The following ABCA8 variants were observed in gnomAD, a reference collection of about 807,000 sequenced individuals.
ABCA8 encodes the protein ATP binding cassette subfamily A member 8, also known as ABC-type organic anion transporter ABCA8.
Under a neutral mutation model 192.3 loss-of-function variants are expected in ABCA8, and 177 were observed. That is an observed-to-expected ratio of 0.92 (90% CI 0.81 to 1.04). The LOEUF (loss-of-function observed/expected upper bound fraction) is 1.04, where lower values mean the gene tolerates loss of function less well. Among genes scored for constraint, ABCA8 ranks in the 50% least tolerant of loss-of-function variants. The probability of loss-of-function intolerance (pLI) is 0.00; values close to 1 mark genes in which losing one functional copy is unlikely to be tolerated. For synonymous variants in ABCA8, 642 were observed against 690.2 expected, an observed-to-expected ratio of 0.93 and a Z score of 1.09; for missense variants, 1,915 against 1,904.8, an observed-to-expected ratio of 1.01 and a Z score of -0.10.
rs2067531451 is a variant in ABCA8, at chr17:68,921,445, G to A, written c.1549C>T (p.His517Tyr). ...AGTGTTGACTTTCCAGCTCCACTGT[G>A]ACCAAGTATTGCAGTGATTTGGCCT... The part of the protein sequence containing the change: ...YEGQITAILG[H>Y]SGAGKSTLLN... The change falls in exon 13 of 40, where the codon CAC becomes TAC. Residue 517 changes from histidine to tyrosine, a missense_variant. Coordinates refer to ENST00000586539, the MANE Select transcript of ABCA8 (RefSeq NM_001288985.2). The A allele has an allele frequency of 6.2e-7, 1 of 1,610,208 alleles. No homozygotes were observed. Among genetic ancestry groups the A allele is most frequent in the Non-Finnish European group, 8.5e-7 (1 of 1,177,590 alleles).
At chr17:68,930,205 T>C (rs1392918909) in intron 7 of ABCA8, among the ~76,000 whole-genome samples, 1 of 152,152 alleles carries the variant, frequency 6.6e-6, no homozygotes, top group African/African-American at 2.4e-5. Context: ...CCTCAGACCC[T>C]TCTCTCCTCT....
At position 68,887,473 on chromosome 17, in the gene ABCA8, G is replaced by A; in HGVS notation, c.3178C>T (p.Leu1060Phe). The A allele has an allele frequency of 6.2e-7, 1 of 1,612,098 alleles. No individual in the cohort carries two copies. Among genetic ancestry groups the A allele is most frequent in the South Asian group, 1.1e-5 (1 of 90,332 alleles). ...RARSQLRISG[L>F]SPSAYWFGQA... ...CCAAACCAGTAAGCAGAAGGGGAGA[G>A]TCCGGAAATCCGTAGCTGGGACCGA... The change falls in exon 25 of 40, where the codon CTC becomes TTC. Residue 1060 changes from leucine (L) to phenylalanine (F), a missense_variant. By Grantham distance (22) the Leu-to-Phe change is conservative. Transcript: ENST00000586539.
At position 68,929,542 on chromosome 17, in the gene ABCA8, A is replaced by AT. The variant is rs762492570; in HGVS notation, c.939+18dup. 6.2e-7 allele frequency: 1 copy of AT among 1,606,408 alleles called. No individual in the cohort carries two copies. Among genetic ancestry groups the AT allele is most frequent in the Non-Finnish European group, 8.5e-7 (1 of 1,177,428 alleles). ...TTAGGCTATAGGTGGATGGAAAGAT[A>AT]TTTAATTCACTAACTCACCAAAGAT... On this transcript the variant is annotated intron_variant, in intron 8 of 39. Transcript: ENST00000586539.
chr17:68,925,322 A>C (rs1333509872), intron 10 of ABCA8, among the ~76,000 whole-genome samples: 1 of 152,242 alleles, frequency 6.6e-6, no homozygotes, highest in African/African-American at 2.4e-5. Flanking sequence ...CATTTGTAAG[A>C]AAGAAAAAGA....
intron 4 of ABCA8, among the ~76,000 whole-genome samples, chr17:68,939,354 A>G (rs1362459591): frequency 1.3e-5 from 2 of 152,068 alleles, no homozygotes; most frequent in Non-Finnish European, 2.9e-5. Flanking sequence ...CTCTGCTCAC[A>G]TATCCTGTGG....
At chr17:68,950,317 T>G (rs187398675) in intron 1 of ABCA8, among the ~76,000 whole-genome samples, 68 of 152,300 alleles carry the variant, frequency 4.5e-4, no homozygotes, top group Middle Eastern at 6.8e-3. Flanking sequence ...CCATTGACTT[T>G]CTTTGCAGAA....
chr17:68,870,552 C>T (rs1244730951), intron 37 of ABCA8, among the ~76,000 whole-genome samples: 1 of 152,164 alleles, frequency 6.6e-6, no homozygotes. Context: ...CTATTTGATT[C>T]TATGAATTTG....
At chr17:68,917,244 A>G (rs1022617171) in intron 17 of ABCA8, 117 bp downstream of exon 17, 44 of 641,506 alleles carry the variant, frequency 6.9e-5, no homozygotes, top group Non-Finnish European at 1.0e-4. Context: ...TCCGTCTCAA[A>G]AACAAAACAA....
chr17:68,869,659 ATCT>A, intron 38 of ABCA8, 38 bp downstream of exon 38: 2 of 1,287,376 alleles, frequency 1.6e-6, no homozygotes, highest in East Asian at 4.6e-5. Context: ...ATTTGAAATT[ATCT>A]TCTTTCCAGG....
At chr17:68,931,402 G>A (rs2067871835) in intron 7 of ABCA8, among the ~76,000 whole-genome samples, 1 of 152,120 alleles carries the variant, frequency 6.6e-6, no homozygotes, top group South Asian at 2.1e-4. Context: ...CTTATTCATG[G>A]CAACACATTT....
At chr17:68,938,899 T>G (rs772356019) in intron 4 of ABCA8, among the ~76,000 whole-genome samples, 36 of 152,182 alleles carry the variant, frequency 2.4e-4, no homozygotes, top group Non-Finnish European at 4.9e-4. Flanking sequence ...CAAAACAGAA[T>G]AACTAACTTC....
chr17:68,902,551 C>T (rs1256498307), intron 21 of ABCA8, among the ~76,000 whole-genome samples, 162 bp downstream of exon 21: 1 of 152,174 alleles, frequency 6.6e-6, no homozygotes, highest in Non-Finnish European at 1.5e-5. Context: ...TTTACCTATT[C>T]CTGCTTCTTT....
chr17:68,870,243 C>T (rs945200551), intron 37 of ABCA8, among the ~76,000 whole-genome samples: 10 of 152,146 alleles, frequency 6.6e-5, no homozygotes, highest in African/African-American at 1.2e-4. Flanking sequence ...CTGTTCATCT[C>T]GAAAATTGCT....
Position 68,954,818 on chromosome 17 carries a change from G to A in ABCA8, c.-167+401C>T, listed in dbSNP as rs940451050. Among the ~76,000 whole-genome samples, 7 of 152,114 alleles carry A rather than the reference G, an allele frequency of 4.6e-5. No homozygotes were observed. In the East Asian group the frequency reaches 1.3e-3, roughly 29 times the overall value. On this transcript the variant is annotated intron_variant, in intron 1 of 39. Transcript: ENST00000586539. ...AGTCAGAAGAACACTTATCCAAAAT[G>A]CCCTACATTATTGTGCAATCAAAGT... is the stretch of plus-strand genomic sequence containing the variant.
At chr17:68,939,540 A>G (rs1427776261) in intron 4 of ABCA8, among the ~76,000 whole-genome samples, 1 of 152,140 alleles carries the variant, frequency 6.6e-6, no homozygotes, top group Admixed American at 6.6e-5. Flanking sequence ...AATGATCTGT[A>G]ATCTTTTCAC....
Position 68,893,721 on chromosome 17 carries a change from C to CTT in ABCA8, c.3036+450_3036+451dup, listed in dbSNP as rs5821690. 8.8e-3 allele frequency among the ~76,000 whole-genome samples: 1,127 copies of CTT among 127,670 alleles called. 13 individuals carry two copies. The highest frequency in any genetic ancestry group is 0.03 in the African/African-American group (1,041 of 34,602). 83.8% of individuals were successfully genotyped at this position (127,670 alleles called of 152,430 possible). ...TTTCATTTTTATTGCTTCATATTCT[C>CTT]TTTTTTTTTTTTTCCTTTTCTTTTT... is the stretch of plus-strand genomic sequence containing the variant. On this transcript the variant is annotated intron_variant, in intron 23 of 39. Transcript: ENST00000586539.
At chr17:68,871,932 T>C (rs1363454174) in intron 37 of ABCA8, among the ~76,000 whole-genome samples, 1 of 152,208 alleles carries the variant, frequency 6.6e-6, no homozygotes, top group Non-Finnish European at 1.5e-5. Flanking sequence ...ATACTTTTTA[T>C]CATTATTTTA....
intron 38 of ABCA8, 90 bp downstream of exon 38, chr17:68,869,610 G>T (rs1217111285): frequency 3.2e-6 from 3 of 937,454 alleles, no homozygotes; most frequent in Non-Finnish European, 5.1e-6. Flanking sequence ...AATGCATTTT[G>T]TCACATTTCA....
chr17:68,917,983 C>G (rs1323501500), intron 16 of ABCA8, 64 bp downstream of exon 16: 42 of 1,574,604 alleles, frequency 2.7e-5, no homozygotes, highest in Admixed American at 8.8e-5. Context: ...TGTTCAGAGA[C>G]CAATCCATAT....
Sources: allele counts gnomAD v4.1 joint callset (sites outside exome capture counted in the v4.1 genomes callset), GRCh38; gene constraint gnomAD v4.1.1; transcripts MANE v1.5; gene names NCBI Gene and HGNC (gene_info 2026-07-23, HGNC 2026-07-21).